Variants in MAST4 observed in about 807,000 individuals in gnomAD.
MAST4 encodes microtubule-associated serine/threonine-protein kinase 4.
A neutral mutation model predicts 162.7 loss-of-function variants in MAST4; 89 were observed. That is an observed-to-expected ratio of 0.55 (90% confidence interval 0.46 to 0.65). MAST4 has a LOEUF of 0.65. MAST4 is among the 30% of genes least tolerant of loss of function. The pLI, the probability that MAST4 is intolerant of heterozygous loss-of-function variation, is 0.00. For synonymous variants in MAST4, 1,479 were observed against 1,361.1 expected (o/e 1.09, Z -1.91); for missense variants, 3,153 against 3,374.0 (o/e 0.93, Z 1.62).
At chr5:67,003,395 G>A (rs1194731456) in intron 4 of MAST4, among the ~76,000 whole-genome samples, 1 of 152,008 alleles carries the variant, frequency 6.6e-6, no homozygotes, top group Non-Finnish European at 1.5e-5. Context: ...ATATTAATGT[G>A]GGCCACAAGA....
At chr5:66,695,903 G>A (rs138903660) in intron 1 of MAST4, among the ~76,000 whole-genome samples, 2,836 of 152,196 alleles carry the variant, frequency 0.019, 88 homozygotes, top group African/African-American at 0.064. Context: ...ACATGCACAC[G>A]TATGTTTATT....
At chr5:66,982,586 A>G (rs1050760490) in intron 4 of MAST4, among the ~76,000 whole-genome samples, 6 of 152,204 alleles carry the variant, frequency 3.9e-5, no homozygotes, top group African/African-American at 1.4e-4. Context: ...GACATTAGAA[A>G]CAAAACTCAT....
intron 1 of MAST4, among the ~76,000 whole-genome samples, chr5:66,623,800 A>G (rs1234696648): frequency 6.6e-6 from 1 of 152,218 alleles, no homozygotes; most frequent in Non-Finnish European, 1.5e-5. Context: ...AAGGCATTCA[A>G]ATTGGAAGGG....
intron 19 of MAST4, among the ~76,000 whole-genome samples, chr5:67,137,864 A>G (rs1769866931): frequency 6.6e-6 from 1 of 152,184 alleles, no homozygotes; most frequent in Non-Finnish European, 1.5e-5. Flanking sequence ...CCCTGCAAAG[A>G]CTGAAATGTT....
At chr5:66,948,322 A>G (rs1225036217) in intron 4 of MAST4, among the ~76,000 whole-genome samples, 1 of 152,176 alleles carries the variant, frequency 6.6e-6, no homozygotes, top group Non-Finnish European at 1.5e-5. Flanking sequence ...GATTATCTAG[A>G]GAGGGGGAAG....
chr5:66,743,493 G>A (rs1224752352), intron 1 of MAST4, among the ~76,000 whole-genome samples: 1 of 152,220 alleles, frequency 6.6e-6, no homozygotes, highest in Non-Finnish European at 1.5e-5. Context: ...GAGGTGGGGC[G>A]GGCATTTGGA....
chr5:67,013,136 A>G (rs1752888733), intron 4 of MAST4, among the ~76,000 whole-genome samples: 1 of 152,222 alleles, frequency 6.6e-6, no homozygotes, highest in Admixed American at 6.5e-5. Context: ...CTCTTAGCAA[A>G]CTGTAATTGC....
intron 1 of MAST4, among the ~76,000 whole-genome samples, chr5:66,617,646 C>A (rs866149299): frequency 1.3e-5 from 2 of 152,096 alleles, no homozygotes; most frequent in Non-Finnish European, 2.9e-5. Context: ...AGCCTCTAAA[C>A]TTTGGGACAG....
At position 67,168,919 on chromosome 5, in the gene MAST4, GAAAA is replaced by G. The variant is rs965772483; in HGVS notation, c.*1871_*1874del. The G allele has an allele frequency of 6.6e-6, 1 of 152,018 alleles. No individual in the cohort carries two copies. The highest frequency in any genetic ancestry group is 1.5e-5 in the Non-Finnish European group (1 of 67,978). The allele number at this position is 152,018 out of a possible 1,614,324, so 9.4% of individuals were successfully genotyped here. ...AAAAAAACAAACAAAAAAAGAAAAA[GAAAA>G]AAGCCTCCTCCTTGCCCCTAATTTT... On this transcript the variant is annotated 3_prime_UTR_variant, in exon 29 of 29. Coordinates refer to ENST00000403625, the MANE Select transcript of MAST4 (RefSeq NM_001164664.2).
chr5:66,634,587 A>G (rs75064536), intron 1 of MAST4, among the ~76,000 whole-genome samples: 3,449 of 152,316 alleles, frequency 0.023, 79 homozygotes, highest in African/African-American at 0.058. Flanking sequence ...CCTCGTAGAA[A>G]AAAATGCCCC....
intron 4 of MAST4, among the ~76,000 whole-genome samples, chr5:66,979,513 AT>A (rs1212142128): frequency 6.6e-6 from 1 of 152,202 alleles, no homozygotes; most frequent in Non-Finnish European, 1.5e-5. Flanking sequence ...TTAAGGTCCA[AT>A]TTGGGTTCAC....
intron 1 of MAST4, among the ~76,000 whole-genome samples, chr5:66,617,486 T>C (rs1484976050): frequency 1.3e-5 from 2 of 151,718 alleles, no homozygotes; most frequent in African/African-American, 2.4e-5. Flanking sequence ...TTTTTTTTTT[T>C]CCTTTTAAAA....
At chr5:66,788,607 C>CCCAGCAAAAAAACAAAAA in intron 2 of MAST4, 63 bp from the exon 3 acceptor site, 2 of 1,373,724 alleles carry the variant, frequency 1.5e-6, no homozygotes, top group Non-Finnish European at 2.0e-6. Context: ...CCCCCACCCC[C>CCCAGCAAAAAAACAAAAA]ATTGCAATAA....
chr5:67,069,532 A>G (rs576043844), intron 5 of MAST4, among the ~76,000 whole-genome samples: 167 of 152,180 alleles, frequency 1.1e-3, no homozygotes, highest in African/African-American at 3.7e-3. Flanking sequence ...TGGGCCCAAC[A>G]GACATAAGAT....
intron 3 of MAST4, among the ~76,000 whole-genome samples, chr5:66,816,657 G>A (rs920834564): frequency 2.0e-5 from 3 of 152,192 alleles, no homozygotes; most frequent in Middle Eastern, 3.4e-3. Flanking sequence ...ACTGTACCCC[G>A]GCTGCCATCA....
chr5:66,884,639 G>A (rs1761922714), intron 3 of MAST4, among the ~76,000 whole-genome samples: 1 of 152,162 alleles, frequency 6.6e-6, no homozygotes, highest in Admixed American at 6.5e-5. Context: ...TGCTACTGTA[G>A]GGGTATCCTG....
intron 1 of MAST4, among the ~76,000 whole-genome samples, chr5:66,611,064 A>G (rs1388087823): frequency 1.3e-5 from 2 of 152,236 alleles, no homozygotes; most frequent in Non-Finnish European, 2.9e-5. Context: ...ATTACTAGAA[A>G]TAGTTACAGC....
intron 4 of MAST4, among the ~76,000 whole-genome samples, chr5:66,931,775 G>A (rs1007382120): frequency 7.9e-5 from 12 of 151,214 alleles, no homozygotes; most frequent in African/African-American, 2.9e-4. Flanking sequence ...TAAAAAAAAA[G>A]AGGAAATAGC....
chr5:66,621,865 A>T (rs1014267104), intron 1 of MAST4, among the ~76,000 whole-genome samples: 1 of 152,184 alleles, frequency 6.6e-6, no homozygotes, highest in African/African-American at 2.4e-5. Flanking sequence ...TCTTCTATAG[A>T]GGGCCAAATA....
Sources: gnomAD v4.1 joint callset for allele counts (sites outside exome capture counted in the v4.1 genomes callset) on GRCh38, gnomAD v4.1.1 for gene constraint, MANE v1.5 for transcripts, NCBI Gene and HGNC (gene_info 2026-07-23, HGNC 2026-07-21) for gene names.